The following GLIS3 variants were observed in gnomAD, a reference collection of about 807,000 sequenced individuals.
The protein encoded by GLIS3 is GLIS family zinc finger 3, also known as zinc finger protein GLIS3.
In GLIS3, 53 loss-of-function variants were observed where a neutral mutation model predicts 78.6. The observed-to-expected ratio is 0.67, with a 90% CI of 0.54 to 0.85. The LOEUF is 0.85. Ranked by LOEUF, GLIS3 falls within the 40% of genes least tolerant of loss-of-function variation. The pLI, the probability that GLIS3 is intolerant of heterozygous loss-of-function variation, is 0.00. For missense variants in GLIS3, 1,703 were observed against 1,231.1 expected (o/e 1.38, Z -5.74); for synonymous variants, 684 against 509.9 (o/e 1.34, Z -4.60).
intron 2 of GLIS3, among the ~76,000 whole-genome samples, chr9:4,204,509 A>T (rs1345402743): frequency 1.3e-5 from 2 of 152,154 alleles, no homozygotes; most frequent in South Asian, 2.1e-4. Flanking sequence ...TAACAAGCAG[A>T]GTAAGAGGAG....
intron 8 of GLIS3, among the ~76,000 whole-genome samples, chr9:3,864,614 C>T (rs1055662757): frequency 2.0e-5 from 3 of 152,138 alleles, no homozygotes; most frequent in African/African-American, 7.2e-5. Context: ...AAGAAACTGG[C>T]CGGGTGACGC....
At chr9:3,834,333 C>T (rs1225915370) in intron 9 of GLIS3, among the ~76,000 whole-genome samples, 1 of 152,118 alleles carries the variant, frequency 6.6e-6, no homozygotes, top group Non-Finnish European at 1.5e-5. Context: ...AGAAGGATAC[C>T]CTCTAGGGCC....
At chr9:4,008,722 A>G (rs769669529) in intron 4 of GLIS3, among the ~76,000 whole-genome samples, 1 of 152,144 alleles carries the variant, frequency 6.6e-6, no homozygotes, top group African/African-American at 2.4e-5. Flanking sequence ...ACAGGCTGGG[A>G]ATCTGGAGGC....
chr9:3,936,520 T>C (rs1563868823), intron 5 of GLIS3, among the ~76,000 whole-genome samples: 1 of 151,814 alleles, frequency 6.6e-6, no homozygotes, highest in South Asian at 2.1e-4. Context: ...AAGGTGAAAA[T>C]ACCAGGTGGT....
chr9:4,128,091 A>G (rs573864457), intron 2 of GLIS3, among the ~76,000 whole-genome samples: 1 of 152,326 alleles, frequency 6.6e-6, no homozygotes, highest in Non-Finnish European at 1.5e-5. Context: ...GCCAATACAA[A>G]CTAATGTGAT....
intron 2 of GLIS3, among the ~76,000 whole-genome samples, chr9:4,194,221 C>A (rs2131231770): frequency 6.6e-6 from 1 of 152,090 alleles, no homozygotes; most frequent in African/African-American, 2.4e-5. Flanking sequence ...CCACGCCCAG[C>A]TAATTTCTTT....
At chr9:3,843,228 G>C (rs556868752) in intron 9 of GLIS3, among the ~76,000 whole-genome samples, 1 of 152,126 alleles carries the variant, frequency 6.6e-6, no homozygotes, top group Non-Finnish European at 1.5e-5. Flanking sequence ...CTTCGAATCC[G>C]AGTCTGTTAT....
intron 2 of GLIS3, among the ~76,000 whole-genome samples, chr9:4,280,947 C>G (rs1827488618): frequency 6.6e-6 from 1 of 152,172 alleles, no homozygotes; most frequent in African/African-American, 2.4e-5. Context: ...CAACTGTTCT[C>G]AGTTCATAGC....
At chr9:4,372,189 C>T in the GLIS3 span, among the ~76,000 whole-genome samples, 51,892 of 152,046 alleles carry the variant, frequency 0.34, 9,147 homozygotes, top group Middle Eastern at 0.44. Context: ...GAGAGAGTGC[C>T]AGTTTCATCA....
the GLIS3 span, among the ~76,000 whole-genome samples, chr9:4,369,089 TTTC>T: frequency 6.6e-6 from 1 of 152,214 alleles, no homozygotes; most frequent in Non-Finnish European, 1.5e-5. Flanking sequence ...ACTTAGATGC[TTTC>T]TTATTATGTA....
chr9:4,462,498 T>C, the GLIS3 span, among the ~76,000 whole-genome samples: 2 of 152,188 alleles, frequency 1.3e-5, no homozygotes, highest in South Asian at 4.2e-4. Flanking sequence ...AGCTCATGCC[T>C]GTAATCCCAG....
At chr9:4,414,531 A>G in the GLIS3 span, among the ~76,000 whole-genome samples, 1 of 152,160 alleles carries the variant, frequency 6.6e-6, no homozygotes, top group Non-Finnish European at 1.5e-5. Context: ...AAAAGATTAT[A>G]CCTATATAAT....
At chr9:4,352,649 G>C (rs934459294), upstream of GLIS3, among the ~76,000 whole-genome samples, 1 of 152,246 alleles carries the variant, frequency 6.6e-6, no homozygotes, top group Non-Finnish European at 1.5e-5. Flanking sequence ...CACAGACCTG[G>C]TTAGTGGGGA....
At chr9:4,319,149 G>A (rs1268411141) in intron 2 of GLIS3, among the ~76,000 whole-genome samples, 5 of 152,116 alleles carry the variant, frequency 3.3e-5, no homozygotes, top group Non-Finnish European at 5.9e-5. Context: ...GATCTCAGCT[G>A]GATTCTGAAT....
intron 9 of GLIS3, among the ~76,000 whole-genome samples, chr9:3,842,072 T>A (rs1024510144): frequency 3.3e-5 from 5 of 152,214 alleles, no homozygotes; most frequent in Admixed American, 2.0e-4. Context: ...GCAGAGAAGA[T>A]TCCAGACAGA....
At chr9:4,158,448 GA>G (rs1564130833) in intron 2 of GLIS3, among the ~76,000 whole-genome samples, 1 of 152,166 alleles carries the variant, frequency 6.6e-6, no homozygotes, top group African/African-American at 2.4e-5. Context: ...TCGAGATTAA[GA>G]AAGAAGAGCT....
intron 2 of GLIS3, among the ~76,000 whole-genome samples, chr9:4,228,206 A>G (rs1821944288): frequency 6.6e-6 from 1 of 151,624 alleles, no homozygotes; most frequent in Non-Finnish European, 1.5e-5. Flanking sequence ...GGCAAAAAAA[A>G]AAAAAAAAAA....
At chr9:4,243,714 TTTC>T (rs1264546464) in intron 2 of GLIS3, among the ~76,000 whole-genome samples, 2 of 152,166 alleles carry the variant, frequency 1.3e-5, no homozygotes, top group Non-Finnish European at 2.9e-5. Flanking sequence ...CCCTGGCAGT[TTTC>T]TTAAAATAGT....
At chr9:4,410,391 C>T in the GLIS3 span, among the ~76,000 whole-genome samples, 2 of 152,068 alleles carry the variant, frequency 1.3e-5, no homozygotes, top group Non-Finnish European at 2.9e-5. Context: ...ATCCTTAATT[C>T]TTTAGTTACA....
Sources: allele counts gnomAD v4.1 joint callset (sites outside exome capture counted in the v4.1 genomes callset), GRCh38; gene constraint gnomAD v4.1.1; transcripts MANE v1.5; gene names NCBI Gene and HGNC (gene_info 2026-07-23, HGNC 2026-07-21).